Variants in PCDH15 observed in about 807,000 individuals in gnomAD.
PCDH15 encodes protocadherin related 15.
In PCDH15, 129 loss-of-function variants were observed where a neutral mutation model predicts 178.5. The ratio of observed to expected loss-of-function variants is 0.72; its 90% CI spans 0.63 to 0.84. PCDH15 has a LOEUF of 0.84. PCDH15 is among the 40% of genes least tolerant of loss of function. The probability of loss-of-function intolerance (pLI) is 0.00; values close to 1 mark genes in which losing one functional copy is unlikely to be tolerated. For synonymous variants in PCDH15, 800 were observed against 732.0 expected (o/e 1.09, Z -1.50); for missense variants, 2,230 against 2,099.9 (o/e 1.06, Z -1.21).
In PCDH15 at chr10:54,419,366, T is replaced by G. The variant is rs141735214; in HGVS notation, c.158-40424A>C. Among the ~76,000 whole-genome samples, 736 of 93,686 alleles carry G rather than the reference T, an allele frequency of 7.9e-3. 8 individuals carry two copies. The highest frequency in any genetic ancestry group is 0.035 in the African/African-American group (685 of 19,570). 61.5% of individuals were successfully genotyped at this position (93,686 alleles called of 152,430 possible). On this transcript the variant is annotated intron_variant, in intron 3 of 37. Transcript: ENST00000644397. ...AAAATTCTTCTTGGCTTTTCTCCAT[T>G]ATAGAGCCAGCAATTTTGTGTAGCT...
chr10:55,421,817 T>C lies in PCDH15; in HGVS notation c.-156+205808A>G, dbSNP rs188877145. On this transcript the variant is annotated intron_variant, in intron 2 of 5. Coordinates refer to the PCDH15 transcript ENST00000613346. ...CTAAACATTTCACTTCAGAATATTT[T>C]ATTGTTTTTATTATCACACAAAATT... Among the ~76,000 whole-genome samples the C allele has an allele frequency of 4.6e-3, 622 of 136,180 alleles. 3 individuals carry two copies. Among genetic ancestry groups the C allele is most frequent in the Non-Finnish European group, 7.2e-3 (463 of 64,612 alleles). 89.3% of individuals were successfully genotyped at this position (136,180 alleles called of 152,430 possible).
At chr10:55,145,279 G>A (rs1838473730) in intron 2 of PCDH15, among the ~76,000 whole-genome samples, 1 of 152,036 alleles carries the variant, frequency 6.6e-6, no homozygotes, top group Non-Finnish European at 1.5e-5. Context: ...TGCTCTGGCA[G>A]AAAGGGAGAA....
chr10:53,862,429 T>C (rs572530915), intron 27 of PCDH15, among the ~76,000 whole-genome samples: 3 of 152,294 alleles, frequency 2.0e-5, no homozygotes, highest in Admixed American at 2.0e-4. Context: ...ACAAGTTTAC[T>C]GAACACTGCA....
rs540100508 is a variant in PCDH15 at position 55,566,508 on chromosome 10, A to G, written c.-156+61117T>C. Among the ~76,000 whole-genome samples, 5 of 151,784 alleles carry G rather than the reference A, an allele frequency of 3.3e-5. No homozygotes were observed. The South Asian group carries it at 1.0e-3, about 31-fold the overall frequency. ...AAAAATAAAAGGCATAAAATTGGAAAGGAAGAAGTCAAATTATCTTTGTTT... is the reference window on the plus strand; with the variant it reads ...AAAAATAAAAGGCATAAAATTGGAAGGGAAGAAGTCAAATTATCTTTGTTT... On this transcript the variant is annotated intron_variant, in intron 2 of 5. Coordinates refer to the PCDH15 transcript ENST00000613346.
intron 28 of PCDH15, among the ~76,000 whole-genome samples, chr10:53,847,382 C>T (rs186688151): frequency 5.7e-4 from 87 of 152,138 alleles, no homozygotes; most frequent in African/African-American, 2.0e-3. Context: ...ATAGGCATTG[C>T]AGCTGGCTGG....
At chr10:55,587,336 CAA>C (rs1220925588) in intron 2 of PCDH15, among the ~76,000 whole-genome samples, 2 of 151,952 alleles carry the variant, frequency 1.3e-5, no homozygotes, top group East Asian at 1.9e-4. Flanking sequence ...TTAATGTTGA[CAA>C]TATTCATATA....
intron 21 of PCDH15, among the ~76,000 whole-genome samples, chr10:53,986,497 G>A (rs536978711): frequency 7.9e-4 from 120 of 152,204 alleles, no homozygotes; most frequent in African/African-American, 2.6e-3. Flanking sequence ...TTTGAAATCA[G>A]GATCTTTAAG....
At chr10:55,309,055 A>C (rs1038600772) in intron 1 of PCDH15, among the ~76,000 whole-genome samples, 4 of 152,326 alleles carry the variant, frequency 2.6e-5, no homozygotes, top group Non-Finnish European at 4.4e-5. Flanking sequence ...ATATATTTTC[A>C]TGTTACAGGA....
At chr10:55,240,813 T>C (rs1217244088) in intron 1 of PCDH15, among the ~76,000 whole-genome samples, 1 of 152,216 alleles carries the variant, frequency 6.6e-6, no homozygotes, top group African/African-American at 2.4e-5. Flanking sequence ...TAGTGTTTCT[T>C]ATTACCAAGC....
chr10:55,300,879 A>C (rs1173883433), intron 1 of PCDH15, among the ~76,000 whole-genome samples: 1 of 152,212 alleles, frequency 6.6e-6, no homozygotes, highest in African/African-American at 2.4e-5. Flanking sequence ...GAACAATATT[A>C]CAACCATAAT....
intron 3 of PCDH15, among the ~76,000 whole-genome samples, chr10:54,824,877 TTTA>T (rs915589374): frequency 2.6e-5 from 4 of 152,230 alleles, no homozygotes; most frequent in East Asian, 3.9e-4. Context: ...TCTTTTATTT[TTTA>T]TTATTATTAT....
intron 2 of PCDH15, among the ~76,000 whole-genome samples, chr10:54,927,807 T>C (rs1837671426): frequency 6.6e-6 from 1 of 152,140 alleles, no homozygotes; most frequent in Admixed American, 6.6e-5. Flanking sequence ...TTTTCATCCA[T>C]TTACTTTGAG....
intron 23 of PCDH15, among the ~76,000 whole-genome samples, chr10:53,952,979 G>A (rs777512083): frequency 2.0e-5 from 3 of 152,248 alleles, no homozygotes; most frequent in African/African-American, 4.8e-5. Context: ...CATGCAGCAG[G>A]AGGGGGGCCC....
chr10:55,161,089 G>A (rs1294357813), intron 2 of PCDH15, among the ~76,000 whole-genome samples: 1 of 152,094 alleles, frequency 6.6e-6, no homozygotes. Flanking sequence ...CGTTCCCTGA[G>A]GGCAGGAAGA....
chr10:55,467,140 T>A (rs1839847281), intron 2 of PCDH15, among the ~76,000 whole-genome samples: 1 of 152,116 alleles, frequency 6.6e-6, no homozygotes, highest in African/African-American at 2.4e-5. Context: ...AGTTATTCAA[T>A]AAAAGAATGA....
intron 2 of PCDH15, among the ~76,000 whole-genome samples, chr10:54,637,178 C>A (rs2093876014): frequency 6.6e-6 from 1 of 150,438 alleles, no homozygotes; most frequent in South Asian, 2.1e-4. Context: ...GATTTAGTTA[C>A]CTATTTTGAG....
intron 6 of PCDH15, among the ~76,000 whole-genome samples, chr10:54,332,315 A>G (rs1371182177): frequency 1.0e-5 from 1 of 97,336 alleles, no homozygotes; most frequent in Non-Finnish European, 2.1e-5. Context: ...TATATATAAT[A>G]TAATATAATC....
chr10:54,894,550 T>C (rs1455780963), intron 3 of PCDH15, among the ~76,000 whole-genome samples: 2 of 152,116 alleles, frequency 1.3e-5, no homozygotes, highest in African/African-American at 2.4e-5. Flanking sequence ...GAACTCCAAA[T>C]TGGAAACATT....
intron 7 of PCDH15, among the ~76,000 whole-genome samples, chr10:54,327,343 T>G: frequency 6.6e-6 from 1 of 151,384 alleles, no homozygotes; most frequent in Non-Finnish European, 1.5e-5. Flanking sequence ...ATTTTACTTT[T>G]CCCCATATCT....
Sources: allele counts gnomAD v4.1 joint callset (sites outside exome capture counted in the v4.1 genomes callset), GRCh38; gene constraint gnomAD v4.1.1; transcripts MANE v1.5; gene names NCBI Gene and HGNC (gene_info 2026-07-23, HGNC 2026-07-21).